H2BC4: variants seen among roughly 807,000 people sequenced by gnomAD.
The protein encoded by H2BC4 is histone H2B type 1-C/E/F/G/I.
In H2BC4, 10 loss-of-function variants were observed where a neutral mutation model predicts 6.2. The ratio of observed to expected loss-of-function variants is 1.61; its 90% CI spans 0.99 to 2.73. H2BC4 has a LOEUF of 2.73. Ranked by LOEUF, H2BC4 falls within the 30% of genes most tolerant of loss-of-function variation. H2BC4 has a pLI of 0.00. For missense variants in H2BC4, 176 were observed against 168.7 expected (o/e 1.04, Z -0.24); for synonymous variants, 146 against 70.7 (o/e 2.07, Z -5.35).
In H2BC4 at chr6:26,123,904, T is replaced by TG. The variant is rs1462671174; in HGVS notation, c.-1_1insC. On this transcript the variant is annotated 5_prime_UTR_variant, in exon 1 of 1. Transcript: ENST00000396984. The stretch of plus-strand genomic sequence containing the variant: ...GGAGCAGACTTGGCTGGCTCAGGCA[T>TG]CTTAAAACACCAGAAATGTGTCGAA... 8.1e-6 allele frequency: 13 copies of TG among 1,612,944 alleles called. No homozygotes were observed. The highest frequency in any genetic ancestry group is 1.1e-5 in the Non-Finnish European group (13 of 1,179,780).
rs1259665002 is a variant in H2BC4 at position 26,123,722 on chromosome 6, G to A, written c.183C>T (p.Gly61=). 6.2e-7 allele frequency: 1 copy of A among 1,614,246 alleles called. No individual in the cohort carries two copies. Among genetic ancestry groups the A allele is most frequent in the Admixed American group, 1.7e-5 (1 of 60,022 alleles). Residue 61 remains glycine (G), a synonymous_variant, in exon 1 of 1, where the codon GGC becomes GGT. Coordinates refer to ENST00000396984, the MANE Select transcript of H2BC4 (RefSeq NM_003526.3). ...TGTCGTTAACGAAAGAATTCATGAT[G>A]CCCATGGCCTTGGAAGAGATGCCAG... is the stretch of plus-strand genomic sequence containing the variant. ...PDTGISSKAM[G]IMNSFVNDIF...
At position 26,123,571 on chromosome 6, in the gene H2BC4, C is replaced by T; in HGVS notation, c.334G>A (p.Val112Met). 1 of 1,614,274 alleles carries T rather than the reference C, an allele frequency of 6.2e-7. No individual in the cohort carries two copies. The highest frequency in any genetic ancestry group is 8.5e-7 in the Non-Finnish European group (1 of 1,180,048). The change falls in exon 1 of 1, where the codon GTG (valine) becomes ATG (methionine). Residue 112 changes from valine to methionine, a missense_variant. Val to Met is a conservative substitution (Grantham distance 21, BLOSUM62 1). Transcript: ENST00000396984. ...GTGACGGCCTTGGTGCCCTCCGACA[C>T]GGCGTGCTTGGCCAGCTCTCCGGGA... ...LLPGELAKHAVSEGTKAVTKY... is the reference protein window; with the variant it reads ...LLPGELAKHAMSEGTKAVTKY...
downstream of H2BC4, among the ~76,000 whole-genome samples, chr6:26,120,895 C>G (rs1178343664): frequency 6.6e-6 from 1 of 152,192 alleles, no homozygotes; most frequent in Non-Finnish European, 1.5e-5. Flanking sequence ...TGTAGAGCCT[C>G]TGCCATAGCA....
rs1212881252 is a variant in H2BC4, at chr6:26,123,781, C to G, written c.124G>C (p.Val42Leu). 1.2e-6 allele frequency: 2 copies of G among 1,614,268 alleles called. No homozygotes were observed. Among genetic ancestry groups the G allele is most frequent in the East Asian group, 2.2e-5 (1 of 44,888 alleles). The part of the protein sequence containing the change: ...RSRKESYSVY[V>L]YKVLKQVHPD... ...TGGACCTGTTTCAGCACCTTGTACA[C>G]GTACACAGAGTAACTCTCCTTGCGG... Residue 42 changes from valine (V) to leucine (L), a missense_variant, in exon 1 of 1, where the codon GTG (valine) becomes CTG (leucine). Physicochemically the swap from Val to Leu is conservative, Grantham distance 32. Transcript: ENST00000396984.
At chr6:26,123,012 G>A (rs1364842017), downstream of H2BC4, among the ~76,000 whole-genome samples, 1 of 152,176 alleles carries the variant, frequency 6.6e-6, no homozygotes, top group East Asian at 1.9e-4. Flanking sequence ...AAAACAGAGG[G>A]GGAGTCCTTC....
downstream of H2BC4, among the ~76,000 whole-genome samples, chr6:26,114,499 G>A (rs1389974895): frequency 6.6e-6 from 1 of 151,914 alleles, no homozygotes; most frequent in African/African-American, 2.4e-5. Flanking sequence ...ATTATAAATT[G>A]GTATGATCCT....
In H2BC4 at chr6:26,123,768, A is replaced by G; in HGVS notation, c.137T>C (p.Leu46Pro). ...GCCAGTGTCGGGATGGACCTGTTTCAGCACCTTGTACACGTACACAGAGTA... is the reference window on the plus strand; with the variant it reads ...GCCAGTGTCGGGATGGACCTGTTTCGGCACCTTGTACACGTACACAGAGTA... ...ESYSVYVYKV[L>P]KQVHPDTGIS... Residue 46 changes from leucine to proline, a missense_variant, in exon 1 of 1, where the codon CTG becomes CCG. Coordinates refer to ENST00000396984, the MANE Select transcript of H2BC4 (RefSeq NM_003526.3). 1 of 1,614,272 alleles carries G rather than the reference A, an allele frequency of 6.2e-7. No individual in the cohort carries two copies. Among genetic ancestry groups the G allele is most frequent in the Non-Finnish European group, 8.5e-7 (1 of 1,180,046 alleles).
downstream of H2BC4, among the ~76,000 whole-genome samples, chr6:26,113,745 G>GTA (rs1203985167): frequency 2.6e-5 from 4 of 152,254 alleles, no homozygotes; most frequent in Non-Finnish European, 5.9e-5. Flanking sequence ...TCAGAGCAGG[G>GTA]TATAGCATGG....
downstream of H2BC4, among the ~76,000 whole-genome samples, chr6:26,122,804 T>G (rs562019399): frequency 1.8e-4 from 27 of 152,362 alleles, no homozygotes; most frequent in African/African-American, 5.0e-4. Context: ...AAATTTGATT[T>G]GATTTGAATC....
At chr6:26,117,594 A>G (rs1763440195) in intron 1 of H2BC4, among the ~76,000 whole-genome samples, 1 of 152,144 alleles carries the variant, frequency 6.6e-6, no homozygotes, top group Non-Finnish European at 1.5e-5. Context: ...ATTTCATTTA[A>G]TCTTCACCCC....
At chr6:26,117,229 C>T (rs985974689) in intron 1 of H2BC4, among the ~76,000 whole-genome samples, 1 of 152,094 alleles carries the variant, frequency 6.6e-6, no homozygotes, top group African/African-American at 2.4e-5. Flanking sequence ...CAACTCCTAC[C>T]AAAGTCTTCA....
chr6:26,123,278 T>C (rs1039864431), downstream of H2BC4: 5 of 638,502 alleles, frequency 7.8e-6, no homozygotes, highest in Middle Eastern at 4.5e-4. Context: ...CTTGTCTCCA[T>C]TTTAAATTTA....
chr6:26,113,503 G>A (rs1763384717), downstream of H2BC4, among the ~76,000 whole-genome samples: 1 of 152,186 alleles, frequency 6.6e-6, no homozygotes, highest in African/African-American at 2.4e-5. Context: ...CATGTGGAGT[G>A]GAGGAGTCCT....
Position 26,123,644 on chromosome 6 carries a change from G to C in H2BC4, c.261C>G (p.Arg87=), listed in dbSNP as rs760468183. 4 of 1,614,156 alleles carry C rather than the reference G, an allele frequency of 2.5e-6. No homozygotes were observed. The African/African-American group carries it at 5.3e-5, about 22-fold the overall frequency. The stretch of plus-strand genomic sequence containing the variant: ...GGATCTCCCTGGAGGTGATGGTCGA[G>C]CGCTTGTTGTAATGCGCCAGGCGGG... ...EASRLAHYNK[R]STITSREIQT... The change falls in exon 1 of 1, where the codon CGC becomes CGG. Residue 87 remains arginine (R), a synonymous_variant. Coordinates refer to ENST00000396984, the MANE Select transcript of H2BC4 (RefSeq NM_003526.3).
At position 26,117,854 on chromosome 6, in the gene H2BC4, G is replaced by T. The variant is rs185035395; in HGVS notation, c.*10-2719C>A. 2.0e-5 allele frequency among the ~76,000 whole-genome samples: 3 copies of T among 152,320 alleles called. No homozygotes were observed. In the East Asian group the frequency reaches 5.8e-4, roughly 29 times the overall value. On this transcript the variant is annotated intron_variant, in intron 1 of 1. Transcript: ENST00000314332. ...TGCACATTATTTTCAGTAGAAAAGA[G>T]TTTAGTATGGATACTCTCTTCTTGT...
chr6:26,123,815 G>T lies in H2BC4; in HGVS notation c.90C>A (p.Arg30=). The T allele has an allele frequency of 1.9e-6, 3 of 1,614,258 alleles. No individual in the cohort carries two copies. Among genetic ancestry groups the T allele is most frequent in the Non-Finnish European group, 2.5e-6 (3 of 1,180,048 alleles). The change falls in exon 1 of 1, where the codon CGC becomes CGA. Residue 30 remains arginine (R), a synonymous_variant. Coordinates refer to ENST00000396984, the MANE Select transcript of H2BC4 (RefSeq NM_003526.3). ...TKAQKKDGKK[R]KRSRKESYSV... ...AGTAACTCTCCTTGCGGCTGCGCTT[G>T]CGCTTCTTGCCATCTTTCTTCTGCG...
At chr6:26,122,647 G>A (rs371897392), downstream of H2BC4, among the ~76,000 whole-genome samples, 1 of 152,082 alleles carries the variant, frequency 6.6e-6, no homozygotes, top group Non-Finnish European at 1.5e-5. Flanking sequence ...GTGTTCGAAG[G>A]CTTGTCAATT....
chr6:26,117,230 A>C (rs187840519), intron 1 of H2BC4, among the ~76,000 whole-genome samples: 1 of 152,214 alleles, frequency 6.6e-6, no homozygotes, highest in African/African-American at 2.4e-5. Context: ...AACTCCTACC[A>C]AAGTCTTCAG....
chr6:26,117,318 G>T (rs1725314046), intron 1 of H2BC4, among the ~76,000 whole-genome samples: 1 of 152,138 alleles, frequency 6.6e-6, no homozygotes, highest in Non-Finnish European at 1.5e-5. Flanking sequence ...TAAACACAGT[G>T]GTTTATATGC....
Sources: allele counts gnomAD v4.1 joint callset (sites outside exome capture counted in the v4.1 genomes callset), GRCh38; gene constraint gnomAD v4.1.1; transcripts MANE v1.5; gene names NCBI Gene and HGNC (gene_info 2026-07-23, HGNC 2026-07-21).